HGSNAT: variants seen among roughly 807,000 people sequenced by gnomAD.
The protein encoded by HGSNAT is transmembrane protein 76.
A neutral mutation model predicts 85.2 loss-of-function variants in HGSNAT; 59 were observed. The observed-to-expected ratio is 0.69, with a 90% CI of 0.56 to 0.86. HGSNAT has a LOEUF of 0.86. HGSNAT is among the 40% of genes least tolerant of loss of function. The pLI is 0.00. For synonymous variants in HGSNAT, 321 were observed against 304.5 expected, an observed-to-expected ratio of 1.05 and a Z score of -0.56; for missense variants, 756 against 777.1, an observed-to-expected ratio of 0.97 and a Z score of 0.32.
chr8:43,141,003 C>G (rs955904937), intron 1 of HGSNAT, among the ~76,000 whole-genome samples: 4 of 152,202 alleles, frequency 2.6e-5, no homozygotes, highest in Non-Finnish European at 5.9e-5. Context: ...GCTCGGACTC[C>G]CCCTGCACCC....
intron 2 of HGSNAT, among the ~76,000 whole-genome samples, chr8:43,157,591 C>T (rs1003501868): frequency 4.6e-5 from 7 of 152,110 alleles, no homozygotes; most frequent in Admixed American, 3.3e-4. Flanking sequence ...GCCTGGGCAA[C>T]ATGGCAAAAC....
chr8:43,144,426 A>G (rs1448478075), intron 1 of HGSNAT, among the ~76,000 whole-genome samples: 1 of 151,874 alleles, frequency 6.6e-6, no homozygotes, highest in African/African-American at 2.4e-5. Flanking sequence ...TGTAATGTCT[A>G]TGTGTTGAGC....
chr8:43,169,943 C>A (rs1172633232), intron 6 of HGSNAT, among the ~76,000 whole-genome samples: 1 of 152,134 alleles, frequency 6.6e-6, no homozygotes, highest in Admixed American at 6.5e-5. Flanking sequence ...ACCTCAGCTT[C>A]CCAAGTAGCT....
Position 43,197,918 on chromosome 8 carries a change from G to C in HGSNAT, c.1692G>C (p.Lys564Asn). 6.2e-7 allele frequency: 1 copy of C among 1,613,928 alleles called. No individual in the cohort carries two copies. Among genetic ancestry groups the C allele is most frequent in the Non-Finnish European group, 8.5e-7 (1 of 1,179,818 alleles). The change falls in exon 17 of 18, where the codon AAG becomes AAC. Residue 564 changes from lysine (K) to asparagine (N), a missense_variant. Physicochemically the swap from Lys to Asn is moderately conservative, Grantham distance 94. Coordinates refer to ENST00000379644, the MANE Select transcript of HGSNAT (RefSeq NM_152419.3). ...TCCTGTACCCAGTTGTGGATGTGAA[G>C]GGGCTGTGGACAGGAACCCCATTCT... ...LLVLYPVVDV[K>N]GLWTGTPFFY... is the part of the protein sequence containing the mutation.
Position 43,169,194 on chromosome 8 carries a change from G to C in HGSNAT, c.585G>C (p.Trp195Cys). 1.3e-6 allele frequency: 2 copies of C among 1,572,990 alleles called. No homozygotes were observed. The highest frequency in any genetic ancestry group is 1.7e-6 in the Non-Finnish European group (2 of 1,158,836). ...LLLSLDDFNN[W>C]ISKAISSRET... ...TCAGTTTGGATGACTTTAACAATTG[G>C]ATTTCTAAAGCCATAAGTTCTCGAG... The change falls in exon 6 of 18, where the codon TGG (tryptophan) becomes TGC (cysteine). Residue 195 changes from tryptophan to cysteine, a missense_variant. Physicochemically the swap from Trp to Cys is radical, Grantham distance 215. Coordinates refer to ENST00000379644, the MANE Select transcript of HGSNAT (RefSeq NM_152419.3).
At chr8:43,145,927 T>A (rs1802699796) in intron 1 of HGSNAT, among the ~76,000 whole-genome samples, 1 of 152,152 alleles carries the variant, frequency 6.6e-6, no homozygotes, top group Non-Finnish European at 1.5e-5. Context: ...TTGGGTAAAT[T>A]TACTCAGAGG....
intron 2 of HGSNAT, among the ~76,000 whole-genome samples, chr8:43,156,248 C>A (rs1162002389): frequency 6.6e-6 from 1 of 152,128 alleles, no homozygotes; most frequent in Non-Finnish European, 1.5e-5. Flanking sequence ...CATATGGAAA[C>A]AACATTTTTA....
At chr8:43,191,734 A>T in intron 12 of HGSNAT, 139 bp downstream of exon 12, 1 of 1,095,740 alleles carries the variant, frequency 9.1e-7, no homozygotes, top group Non-Finnish European at 1.3e-6. Flanking sequence ...GCATGGGGAG[A>T]GGAGATTGGC....
chr8:43,143,479 A>T (rs897897530), intron 1 of HGSNAT, among the ~76,000 whole-genome samples: 2 of 150,068 alleles, frequency 1.3e-5, no homozygotes, highest in African/African-American at 4.9e-5. Context: ...AAGCTGCTTG[A>T]CCTCTTCAGG....
intron 11 of HGSNAT, among the ~76,000 whole-genome samples, chr8:43,186,185 A>G (rs1009856288): frequency 5.3e-5 from 8 of 152,010 alleles, no homozygotes; most frequent in Non-Finnish European, 7.4e-5. Flanking sequence ...CTCTTTTTCT[A>G]TTGATTGGAA....
chr8:43,184,286 C>T (rs1461964539), intron 11 of HGSNAT, among the ~76,000 whole-genome samples: 4 of 152,088 alleles, frequency 2.6e-5, no homozygotes, highest in Non-Finnish European at 4.4e-5. Flanking sequence ...TCCACATCCT[C>T]TCCAGCACCT....
At chr8:43,194,050 C>CT in intron 14 of HGSNAT, 1 of 1,221,634 alleles carries the variant, frequency 8.2e-7, no homozygotes, top group East Asian at 3.1e-5. Flanking sequence ...TTCTTATATT[C>CT]TCAAAAAAAT....
At chr8:43,169,834 T>G (rs528621746) in intron 6 of HGSNAT, among the ~76,000 whole-genome samples, 2 of 152,328 alleles carry the variant, frequency 1.3e-5, no homozygotes, top group Admixed American at 1.3e-4. Context: ...ACTTTTTTAT[T>G]TTTTGAGACA....
At chr8:43,191,151 G>A (rs1407158296) in intron 11 of HGSNAT, among the ~76,000 whole-genome samples, 2 of 152,208 alleles carry the variant, frequency 1.3e-5, no homozygotes, top group African/African-American at 2.4e-5. Flanking sequence ...TTATTAGTCA[G>A]TGAACATTTG....
rs192053878 is a variant in HGSNAT at position 43,190,596 on chromosome 8, G to A, written c.1129-878G>A. 7.9e-5 allele frequency among the ~76,000 whole-genome samples: 12 copies of A among 152,292 alleles called. No individual in the cohort carries two copies. In the East Asian group the frequency reaches 1.7e-3, roughly 22 times the overall value. ...CCTTCTGTGGGACCTGAGGGTCCGC[G>A]GAGGTGCATCCTGGGCCATCACCAT... On this transcript the variant is annotated intron_variant, in intron 11 of 17. Transcript: ENST00000379644.
In HGSNAT at chr8:43,161,519, G is replaced by C. The variant is rs777902265; in HGVS notation, c.563+12G>C. The C allele has an allele frequency of 3.1e-6, 5 of 1,592,972 alleles. No homozygotes were observed. The South Asian group carries it at 5.7e-5, about 18-fold the overall frequency. ...AGGCTCTTGTTGAGGTAAGATATTTGGGGAGGACGCCACTGGAAAGGCAGA... is the reference window on the plus strand; with the variant it reads ...AGGCTCTTGTTGAGGTAAGATATTTCGGGAGGACGCCACTGGAAAGGCAGA... On this transcript the variant is annotated intron_variant, in intron 5 of 17. Transcript: ENST00000379644.
In HGSNAT at chr8:43,197,670, A is replaced by C. The variant is rs1804769861; in HGVS notation, c.1543-2A>C. The C allele has an allele frequency of 6.2e-7, 1 of 1,609,160 alleles. No homozygotes were observed. Among genetic ancestry groups the C allele is most frequent in the Non-Finnish European group, 8.5e-7 (1 of 1,175,544 alleles). On this transcript the variant is annotated splice_acceptor_variant, in intron 15 of 17. Transcript: ENST00000379644. LOFTEE classifies it high-confidence loss of function. ...TTAACATCCTTCTCTTCCCCATTAC[A>C]GGGGCTCATTTCTGTTGCTCTGACG...
At chr8:43,157,351 T>C (rs1803123621) in intron 2 of HGSNAT, among the ~76,000 whole-genome samples, 1 of 152,230 alleles carries the variant, frequency 6.6e-6, no homozygotes, top group Non-Finnish European at 1.5e-5. Context: ...TGGTGAGAAA[T>C]AAATATATTG....
At chr8:43,187,274 T>A (rs533767449) in intron 11 of HGSNAT, among the ~76,000 whole-genome samples, 1 of 152,310 alleles carries the variant, frequency 6.6e-6, no homozygotes, top group Admixed American at 6.5e-5. Context: ...CATGTGGGAG[T>A]GTAAGTCTCT....
Sources: gnomAD v4.1 joint callset for allele counts (sites outside exome capture counted in the v4.1 genomes callset) on GRCh38, gnomAD v4.1.1 for gene constraint, MANE v1.5 for transcripts, NCBI Gene and HGNC (gene_info 2026-07-23, HGNC 2026-07-21) for gene names.